Variants in GALNT8 observed in about 807,000 individuals in gnomAD.
GALNT8 encodes the protein polypeptide N-acetylgalactosaminyltransferase 8.
In GALNT8, 66 loss-of-function variants were observed where a neutral mutation model predicts 62.7. The ratio of observed to expected loss-of-function variants is 1.05; its 90% CI spans 0.86 to 1.29. The LOEUF is 1.29. Among genes scored for constraint, GALNT8 ranks in the 50% most tolerant of loss-of-function variants. The pLI, the probability that GALNT8 is intolerant of heterozygous loss-of-function variation, is 0.00. For missense variants in GALNT8, 771 were observed against 791.8 expected, an observed-to-expected ratio of 0.97 and a Z score of 0.32; for synonymous variants, 288 against 294.3, an observed-to-expected ratio of 0.98 and a Z score of 0.22.
chr12:4,724,938 T>C (rs1946187947), intron 1 of GALNT8, among the ~76,000 whole-genome samples: 2 of 152,166 alleles, frequency 1.3e-5, no homozygotes, highest in African/African-American at 2.4e-5. Context: ...GAGATGCATC[T>C]ACCCGGAGAA....
intron 6 of GALNT8, among the ~76,000 whole-genome samples, chr12:4,756,397 T>G (rs945976802): frequency 3.3e-5 from 5 of 152,256 alleles, no homozygotes; most frequent in African/African-American, 1.2e-4. Flanking sequence ...AAGCCATACC[T>G]GCTGCATTAA....
intron 3 of GALNT8, among the ~76,000 whole-genome samples, chr12:4,740,085 C>A (rs552804317): frequency 2.1e-4 from 32 of 152,228 alleles, no homozygotes; most frequent in Non-Finnish European, 2.2e-4. Context: ...GATCACTCTC[C>A]CTGGGTCATT....
At chr12:4,755,099 A>G (rs1946338792) in intron 6 of GALNT8, among the ~76,000 whole-genome samples, 1 of 152,094 alleles carries the variant, frequency 6.6e-6, no homozygotes, top group Non-Finnish European at 1.5e-5. Flanking sequence ...AGTGGCCCCA[A>G]TTGATATTTC....
At chr12:4,768,619 A>G (rs1042514715) in intron 10 of GALNT8, 3 of 238,842 alleles carry the variant, frequency 1.3e-5, no homozygotes, top group South Asian at 5.3e-5. Flanking sequence ...CCATTCTAAC[A>G]TACAGGCTGG....
intron 6 of GALNT8, among the ~76,000 whole-genome samples, chr12:4,757,569 A>C (rs1251511105): frequency 2.0e-5 from 3 of 152,208 alleles, no homozygotes; most frequent in Non-Finnish European, 4.4e-5. Flanking sequence ...GTAGGAAGAT[A>C]AAAGGGGGAA....
At chr12:4,721,753 T>C (rs1328934045) in intron 1 of GALNT8, among the ~76,000 whole-genome samples, 2 of 152,136 alleles carry the variant, frequency 1.3e-5, no homozygotes, top group African/African-American at 4.8e-5. Flanking sequence ...CTTCCTCTTT[T>C]ACTAATCCTC....
Position 4,763,193 on chromosome 12 carries a change from T to A in GALNT8, c.1360-60T>A, listed in dbSNP as rs1946380416. The A allele has an allele frequency of 2.1e-6, 3 of 1,452,060 alleles. No homozygotes were observed. The South Asian group carries it at 3.5e-5, about 17-fold the overall frequency. The allele number at this position is 1,452,060 out of a possible 1,614,324, so 89.9% of individuals were successfully genotyped here. ...GGAGTCCTTCTCAGGCCATATTTAG[T>A]TCGCTTTAACAGAGCTTTCATGAAT... On this transcript the variant is annotated intron_variant, in intron 7 of 10. Coordinates refer to ENST00000252318, the MANE Select transcript of GALNT8 (RefSeq NM_017417.2).
intron 6 of GALNT8, among the ~76,000 whole-genome samples, chr12:4,758,317 A>G (rs1294008296): frequency 6.6e-6 from 1 of 152,126 alleles, no homozygotes; most frequent in Non-Finnish European, 1.5e-5. Flanking sequence ...GATGGTGCTC[A>G]TCAATGTGTG....
At chr12:4,767,156 T>C (rs144180141) in intron 10 of GALNT8, among the ~76,000 whole-genome samples, 2 of 152,298 alleles carry the variant, frequency 1.3e-5, no homozygotes, top group East Asian at 3.9e-4. Flanking sequence ...GCCTTAGACA[T>C]CATCTTCCTT....
intron 2 of GALNT8, among the ~76,000 whole-genome samples, chr12:4,733,015 G>C (rs1946227388): frequency 6.7e-6 from 1 of 149,210 alleles, no homozygotes; most frequent in African/African-American, 2.5e-5. Context: ...GTGATTCTCT[G>C]CTGGGAGGAG....
At chr12:4,721,295 G>GA (rs1178408670) in intron 1 of GALNT8, among the ~76,000 whole-genome samples, 1 of 152,092 alleles carries the variant, frequency 6.6e-6, no homozygotes, top group East Asian at 1.9e-4. Flanking sequence ...AGAGACTTTG[G>GA]AAGAGAAAAA....
At chr12:4,729,430 C>T (rs555379705) in intron 2 of GALNT8, among the ~76,000 whole-genome samples, 6 of 152,106 alleles carry the variant, frequency 3.9e-5, no homozygotes, top group Admixed American at 1.3e-4. Context: ...AACCCCTCTT[C>T]GCCCAGCCCC....
At chr12:4,764,375 T>A (rs1378274941) in intron 9 of GALNT8, among the ~76,000 whole-genome samples, 2 of 152,058 alleles carry the variant, frequency 1.3e-5, no homozygotes, top group Admixed American at 6.5e-5. Flanking sequence ...CGCCATCTTC[T>A]CACTGCTACT....
chr12:4,763,311 A>T lies in GALNT8; in HGVS notation c.1418A>T (p.Lys473Ile). Residue 473 changes from lysine (K) to isoleucine (I), a missense_variant, in exon 8 of 11, where the codon AAA becomes ATA. Physicochemically the swap from Lys to Ile is moderately radical, Grantham distance 102 (BLOSUM62 -3). Transcript: ENST00000252318. ...AGAATGGCACTCCGGGAAAAACTGA[A>T]ATGTAAAACTTTTGACTGGTACCTG... is the stretch of plus-strand genomic sequence containing the variant. ...SSRMALREKL[K>I]CKTFDWYLKN... 6.2e-7 allele frequency: 1 copy of T among 1,611,872 alleles called. No individual in the cohort carries two copies. Among genetic ancestry groups the T allele is most frequent in the East Asian group, 2.2e-5 (1 of 44,872 alleles).
chr12:4,736,709 C>G (rs1399991559), intron 2 of GALNT8, among the ~76,000 whole-genome samples: 2 of 151,728 alleles, frequency 1.3e-5, no homozygotes, highest in Admixed American at 6.6e-5. Context: ...AATAAATAAA[C>G]AACGAAGCAA....
Position 4,749,345 on chromosome 12 carries a change from G to C in GALNT8, c.1173+3087G>C, listed in dbSNP as rs1261973573. Among the ~76,000 whole-genome samples, 1 of 151,950 alleles carries C rather than the reference G, an allele frequency of 6.6e-6. No individual in the cohort carries two copies. Among genetic ancestry groups the C allele is most frequent in the Non-Finnish European group, 1.5e-5 (1 of 67,882 alleles). On this transcript the variant is annotated intron_variant, in intron 6 of 10. Coordinates refer to ENST00000252318, the MANE Select transcript of GALNT8 (RefSeq NM_017417.2). This position sits in a 1 kb window ranked among gnomAD's most constrained non-coding sequence, Gnocchi z 4.1. ...ATGTTTCTTCTATACTTAGTTTTTTGAGGGGTTTTAAATCATGAATAGAAG... is the reference window on the plus strand; with the variant it reads ...ATGTTTCTTCTATACTTAGTTTTTTCAGGGGTTTTAAATCATGAATAGAAG...
chr12:4,770,060 A>G (rs1946416223), intron 10 of GALNT8, among the ~76,000 whole-genome samples: 1 of 152,190 alleles, frequency 6.6e-6, no homozygotes, highest in Non-Finnish European at 1.5e-5. Flanking sequence ...GCACTTTGGG[A>G]GGCCGAGGCG....
In GALNT8 at chr12:4,726,727, A is replaced by C. The variant is rs1395388936; in HGVS notation, c.407A>C (p.Gln136Pro). Residue 136 changes from glutamine to proline, a missense_variant, in exon 2 of 11, where the codon CAG (glutamine) becomes CCG (proline). Transcript: ENST00000252318. The surrounding 1 kb of genome is among the most constrained non-coding windows in gnomAD (Gnocchi z 4.1). The part of the protein sequence containing the change: ...RQWGEDLSEA[Q>P]QKAAQDLFRK... ...TGGGGCGAGGATCTTTCTGAGGCCC[A>C]GCAGAAGGCGGCCCAGGACCTCTTC... 4 of 1,614,086 alleles carry C rather than the reference A, an allele frequency of 2.5e-6. No individual in the cohort carries two copies. Among genetic ancestry groups the C allele is most frequent in the Non-Finnish European group, 3.4e-6 (4 of 1,179,994 alleles).
chr12:4,733,895 G>T (rs1946231627), intron 2 of GALNT8, among the ~76,000 whole-genome samples: 2 of 152,162 alleles, frequency 1.3e-5, no homozygotes, highest in Admixed American at 1.3e-4. Context: ...ATTCCATGGG[G>T]TGACTCAGAG....
Sources: gnomAD v4.1 joint callset for allele counts (sites outside exome capture counted in the v4.1 genomes callset) on GRCh38, gnomAD v4.1.1 for gene constraint, Gnocchi (gnomAD v3.1) non-coding constraint, MANE v1.5 for transcripts, NCBI Gene and HGNC (gene_info 2026-07-23, HGNC 2026-07-21) for gene names.